MDGA2: variants seen among roughly 807,000 people sequenced by gnomAD.
MDGA2 encodes the protein MAM domain containing glycosylphosphatidylinositol anchor 2.
A neutral mutation model predicts 117.8 loss-of-function variants in MDGA2; 40 were observed. That is an observed-to-expected ratio of 0.34 (90% confidence interval 0.26 to 0.44). The LOEUF is 0.44. MDGA2 is among the 20% of genes least tolerant of loss of function. The pLI, the probability that MDGA2 is intolerant of heterozygous loss-of-function variation, is 1.00. For synonymous variants in MDGA2, 452 were observed against 439.0 expected, an observed-to-expected ratio of 1.03 and a Z score of -0.37; for missense variants, 1,123 against 1,250.6, an observed-to-expected ratio of 0.90 and a Z score of 1.54.
intron 9 of MDGA2, among the ~76,000 whole-genome samples, chr14:46,924,435 T>C (rs1405466483): frequency 6.6e-6 from 1 of 152,086 alleles, no homozygotes; most frequent in Admixed American, 6.6e-5. Flanking sequence ...AGGTATATAA[T>C]ACTGATCAAG....
intron 8 of MDGA2, among the ~76,000 whole-genome samples, chr14:46,989,332 AGGG>A (rs60744731): frequency 2.0e-5 from 3 of 151,278 alleles, no homozygotes; most frequent in Admixed American, 6.6e-5. Context: ...GAAAAAAAAA[AGGG>A]GGGTATCCTT....
At chr14:47,093,963 C>T (rs1879817187) in intron 6 of MDGA2, among the ~76,000 whole-genome samples, 2 of 151,222 alleles carry the variant, frequency 1.3e-5, no homozygotes, top group Non-Finnish European at 3.0e-5. Flanking sequence ...GTATCCATGA[C>T]ACAATTAATC....
At chr14:47,191,536 A>G (rs1885113558) in intron 3 of MDGA2, among the ~76,000 whole-genome samples, 1 of 151,764 alleles carries the variant, frequency 6.6e-6, no homozygotes, top group South Asian at 2.1e-4. Context: ...TTCAGTTGTC[A>G]CATCAGTTGT....
At chr14:47,522,372 T>TGTGTATATATACACAC (rs60971088) in intron 1 of MDGA2, among the ~76,000 whole-genome samples, 93 of 150,234 alleles carry the variant, frequency 6.2e-4, no homozygotes, top group African/African-American at 1.6e-3. Context: ...TGTGTATATA[T>TGTGTATATATACACAC]ACACACACAC....
intron 1 of MDGA2, among the ~76,000 whole-genome samples, chr14:47,325,579 G>T (rs77594436): frequency 6.6e-6 from 1 of 152,222 alleles, no homozygotes; most frequent in African/African-American, 2.4e-5. Context: ...ACGAGGACAT[G>T]AGGGATTGAT....
chr14:47,442,877 T>C (rs574729710), intron 1 of MDGA2, among the ~76,000 whole-genome samples: 1 of 152,236 alleles, frequency 6.6e-6, no homozygotes, highest in Non-Finnish European at 1.5e-5. Context: ...TGATAAAATC[T>C]TGCACTGGAA....
At chr14:47,380,146 G>C (rs78185826) in intron 1 of MDGA2, among the ~76,000 whole-genome samples, 8,813 of 152,200 alleles carry the variant, frequency 0.058, 937 homozygotes, top group East Asian at 0.52. Context: ...AATGAAGGCA[G>C]AAATAAAGAT....
chr14:46,904,636 C>G (rs1345719610), intron 10 of MDGA2, among the ~76,000 whole-genome samples: 1 of 152,170 alleles, frequency 6.6e-6, no homozygotes. Flanking sequence ...TGAGAAAATT[C>G]ATACCAAAGC....
chr14:46,910,806 C>T (rs770382905), intron 10 of MDGA2, among the ~76,000 whole-genome samples: 3 of 152,092 alleles, frequency 2.0e-5, no homozygotes, highest in South Asian at 2.1e-4. Context: ...AGGAATGCTA[C>T]GCAGCCATAA....
chr14:47,628,027 G>A (rs1897182744), intron 1 of MDGA2, among the ~76,000 whole-genome samples: 1 of 152,136 alleles, frequency 6.6e-6, no homozygotes. Context: ...ACCAATTCCG[G>A]ACACAGTACC....
intron 5 of MDGA2, among the ~76,000 whole-genome samples, chr14:47,119,749 C>T (rs1881551935): frequency 6.6e-6 from 1 of 152,068 alleles, no homozygotes; most frequent in Non-Finnish European, 1.5e-5. Flanking sequence ...TCTTTTCCTC[C>T]TTTTTTCCCC....
intron 1 of MDGA2, among the ~76,000 whole-genome samples, chr14:47,447,160 A>G (rs919727200): frequency 6.6e-6 from 1 of 152,178 alleles, no homozygotes; most frequent in African/African-American, 2.4e-5. Context: ...CATTTTAGCA[A>G]TAAAACTGTT....
chr14:47,323,149 G>GATATAT (rs58765297), intron 1 of MDGA2, among the ~76,000 whole-genome samples: 1,591 of 106,668 alleles, frequency 0.015, 49 homozygotes, highest in Non-Finnish European at 0.02. Context: ...AAGAGTCATG[G>GATATAT]ATATATATAT....
In MDGA2 at chr14:47,243,790, C is replaced by A. The variant is rs538277879; in HGVS notation, c.421-25595G>T. 5.2e-4 allele frequency among the ~76,000 whole-genome samples: 79 copies of A among 151,882 alleles called. 2 individuals carry two copies. Among genetic ancestry groups the A allele is most frequent in the Non-Finnish European group, 9.0e-4 (61 of 67,782 alleles). ...TCTTGAAGTCAGTGAGACCAAGAAC[C>A]CACCAATTCCGGACACAAAACCAAA... On this transcript the variant is annotated intron_variant, in intron 2 of 16. Transcript: ENST00000399232.
At chr14:46,929,640 TA>T (rs1884481394) in intron 9 of MDGA2, among the ~76,000 whole-genome samples, 3 of 48,382 alleles carry the variant, frequency 6.2e-5, no homozygotes, top group African/African-American at 1.8e-4. Flanking sequence ...TATATATATA[TA>T]TATATACATT....
Position 47,365,420 on chromosome 14 carries a change from T to C in MDGA2, c.281-63870A>G, listed in dbSNP as rs115947077. Among the ~76,000 whole-genome samples the C allele has an allele frequency of 2.1e-3, 326 of 152,370 alleles. 3 individuals carry two copies. The highest frequency in any genetic ancestry group is 7.4e-3 in the African/African-American group (306 of 41,596). On this transcript the variant is annotated intron_variant, in intron 1 of 16. Coordinates refer to ENST00000399232, the MANE Select transcript of MDGA2 (RefSeq NM_001113498.3). ...CACTGCATGGAACACAAAGAGTTCA[T>C]TGTACTGGGATGGGCAGAATTACTG...
chr14:47,460,738 G>T (rs1893465939), intron 1 of MDGA2, among the ~76,000 whole-genome samples: 1 of 152,060 alleles, frequency 6.6e-6, no homozygotes, highest in African/African-American at 2.4e-5. Flanking sequence ...GGGGCCCCTG[G>T]TTCTAGGTGG....
At chr14:46,975,902 C>A (rs531925525) in intron 8 of MDGA2, among the ~76,000 whole-genome samples, 4 of 152,146 alleles carry the variant, frequency 2.6e-5, no homozygotes, top group African/African-American at 7.2e-5. Flanking sequence ...AATCTTGAAC[C>A]TCTTTTATAC....
At chr14:47,606,674 C>T (rs113797900) in intron 1 of MDGA2, among the ~76,000 whole-genome samples, 1 of 152,138 alleles carries the variant, frequency 6.6e-6, no homozygotes, top group African/African-American at 2.4e-5. Flanking sequence ...CCCTTCCCTA[C>T]AGTGCACAGT....
Sources: gnomAD v4.1 joint callset for allele counts (sites outside exome capture counted in the v4.1 genomes callset) on GRCh38, gnomAD v4.1.1 for gene constraint, MANE v1.5 for transcripts, NCBI Gene and HGNC (gene_info 2026-07-23, HGNC 2026-07-21) for gene names.